The following PTPA variants were observed in gnomAD, a reference collection of about 807,000 sequenced individuals.
The protein encoded by PTPA is serine/threonine-protein phosphatase 2A activator.
A neutral mutation model predicts 43.6 loss-of-function variants in PTPA; 13 were observed. The ratio of observed to expected loss-of-function variants is 0.30; its 90% confidence interval spans 0.19 to 0.47. PTPA has a LOEUF of 0.47. Among genes scored for constraint, PTPA ranks in the 20% least tolerant of loss-of-function variants. The pLI is 0.99. For missense variants in PTPA, 329 were observed against 411.9 expected (o/e 0.80, Z 1.74); for synonymous variants, 172 against 158.2 (o/e 1.09, Z -0.66).
intron 5 of PTPA, among the ~76,000 whole-genome samples, chr9:129,134,270 C>T (rs1345048814): frequency 2.1e-5 from 3 of 141,484 alleles, no homozygotes; most frequent in South Asian, 4.6e-4. Context: ...GGGTCTTTTA[C>T]GAGTGGAATT....
At chr9:129,124,915 C>A (rs764326726) in intron 3 of PTPA, among the ~76,000 whole-genome samples, 5 of 152,234 alleles carry the variant, frequency 3.3e-5, no homozygotes, top group Non-Finnish European at 7.3e-5. Context: ...GCCTGTCTGG[C>A]TATTAGGTGA....
chr9:129,133,488 G>A (rs141402706), intron 5 of PTPA, among the ~76,000 whole-genome samples: 12 of 152,290 alleles, frequency 7.9e-5, no homozygotes, highest in African/African-American at 2.6e-4. Flanking sequence ...AGGGGTCTTC[G>A]TCCTCCAGAG....
At chr9:129,142,804 T>A (rs1013931198) in intron 9 of PTPA, 1 of 1,535,614 alleles carries the variant, frequency 6.5e-7, no homozygotes, top group Admixed American at 2.0e-5. Context: ...GCTTGGAGGC[T>A]GAGGCAAGGA....
At chr9:129,145,626 G>A (rs1851244404) in intron 9 of PTPA, among the ~76,000 whole-genome samples, 1 of 152,192 alleles carries the variant, frequency 6.6e-6, no homozygotes, top group African/African-American at 2.4e-5. Context: ...GACCAGCCTG[G>A]CAGTAGGTGG....
At chr9:129,123,331 G>A (rs1004589932) in intron 3 of PTPA, among the ~76,000 whole-genome samples, 193 bp downstream of exon 3, 1 of 152,072 alleles carries the variant, frequency 6.6e-6, no homozygotes, top group South Asian at 2.1e-4. Context: ...AATTAGCCGG[G>A]TGTGGTGACG....
intron 7 of PTPA, among the ~76,000 whole-genome samples, chr9:129,136,829 A>G (rs1056257179): frequency 6.6e-6 from 1 of 152,204 alleles, no homozygotes; most frequent in African/African-American, 2.4e-5. Flanking sequence ...CCACCAAGAT[A>G]ATGGGAAGTG....
rs922168030 is a variant in PTPA, at chr9:129,148,071, C to T, written c.*607C>T. ...TCCCAGGCTCCTTTTCACCCTGCCC[C>T]CTGGGCCTGAGGCCCCCTGTGTCCA... On this transcript the variant is annotated 3_prime_UTR_variant, in exon 10 of 10. Coordinates refer to ENST00000393370, the MANE Select transcript of PTPA (RefSeq NM_178000.3). 1.3e-5 allele frequency: 2 copies of T among 154,130 alleles called. No homozygotes were observed. The highest frequency in any genetic ancestry group is 2.0e-4 in the South Asian group (1 of 4,958). The allele number at this position is 154,130 out of a possible 1,614,324, so 9.5% of individuals were successfully genotyped here.
intron 8 of PTPA, among the ~76,000 whole-genome samples, chr9:129,138,578 A>C (rs7870913): frequency 0.036 from 5,474 of 152,166 alleles, 318 homozygotes; most frequent in African/African-American, 0.12. Context: ...AGGGTTTGAG[A>C]GTTCTATCCC....
rs760376455 is a variant in PTPA at position 129,131,648 on chromosome 9, T to C, written c.460+9T>C. 1.9e-6 allele frequency: 3 copies of C among 1,611,268 alleles called. No homozygotes were observed. The highest frequency in any genetic ancestry group is 1.7e-5 in the Admixed American group (1 of 60,006). On this transcript the variant is annotated intron_variant, in intron 5 of 9. Transcript: ENST00000393370. ...CATTGACTACGGCACAGGTATCTGC[T>C]GCTTGTGGGGCTCTGTACTTATCTA...
intron 6 of PTPA, among the ~76,000 whole-genome samples, chr9:129,135,122 C>T (rs538935540): frequency 2.6e-5 from 4 of 152,280 alleles, no homozygotes; most frequent in African/African-American, 7.2e-5. Context: ...AGGCCGGGCG[C>T]GGTGGCTCAC....
chr9:129,141,351 C>G (rs180823195), intron 8 of PTPA, among the ~76,000 whole-genome samples: 1 of 152,162 alleles, frequency 6.6e-6, no homozygotes, highest in East Asian at 1.9e-4. Flanking sequence ...CCCAGTCTCC[C>G]CTGACACCCG....
In PTPA at chr9:129,142,506, C is replaced by T; in HGVS notation, c.848C>T (p.Ser283Phe). Residue 283 changes from serine (S) to phenylalanine (F), a missense_variant, in exon 9 of 10, where the codon TCC becomes TTC. By Grantham distance (155) the Ser-to-Phe change is radical. Transcript: ENST00000393370. ...CTGTGGAACATCAGCGCCGTCCCTT[C>T]CTGGTCCAAAGTGAACCAGGGTCTC... The part of the protein sequence containing the change: ...NQLWNISAVP[S>F]WSKVNQGLIR... 1.9e-6 allele frequency: 3 copies of T among 1,613,462 alleles called. No homozygotes were observed. Among genetic ancestry groups the T allele is most frequent in the Non-Finnish European group, 1.7e-6 (2 of 1,179,454 alleles).
Position 129,134,863 on chromosome 9 carries a change from C to A in PTPA, c.529C>A (p.Gln177Lys). 1 of 1,613,856 alleles carries A rather than the reference C, an allele frequency of 6.2e-7. No individual in the cohort carries two copies. Among genetic ancestry groups the A allele is most frequent in the East Asian group, 2.2e-5 (1 of 44,882 alleles). The change falls in exon 6 of 10, where the codon CAA (glutamine) becomes AAA (lysine). Residue 177 changes from glutamine (Q) to lysine (K), a missense_variant. Transcript: ENST00000393370. ...GATTGGGGTGCTCCGGGTGGATGAC[C>A]AAATAGCTATTGTCTTCAAGGTGTT... ...CKIGVLRVDD[Q>K]IAIVFKVFNR...
At chr9:129,114,039 T>G (rs1417977556) in intron 1 of PTPA, among the ~76,000 whole-genome samples, 1 of 152,048 alleles carries the variant, frequency 6.6e-6, no homozygotes, top group Non-Finnish European at 1.5e-5. Context: ...TCTTTTTAGT[T>G]TTTTTTTGAG....
Position 129,111,616 on chromosome 9 carries a change from C to T in PTPA, c.16C>T (p.Arg6Trp), listed in dbSNP as rs1848487668. 2.4e-6 allele frequency: 3 copies of T among 1,269,354 alleles called. No individual in the cohort carries two copies. The highest frequency in any genetic ancestry group is 3.0e-6 in the Non-Finnish European group (3 of 999,460). The allele number at this position is 1,269,354 out of a possible 1,614,324, so 78.6% of individuals were successfully genotyped here. MAEGE[R>W]QPPPDSSEEA... ...CCGGAGCAAGATGGCTGAGGGCGAG[C>T]GGCAGCCGCCGCCAGGTAAGGCCGG... Residue 6 changes from arginine to tryptophan, a missense_variant, in exon 1 of 10, where the codon CGG becomes TGG. Physicochemically the swap from Arg to Trp is moderately radical, Grantham distance 101 (BLOSUM62 -3). Transcript: ENST00000393370.
chr9:129,134,324 T>TTTTTG (rs1554733072), intron 5 of PTPA, among the ~76,000 whole-genome samples: 3 of 96,402 alleles, frequency 3.1e-5, no homozygotes, highest in Admixed American at 2.1e-4. Context: ...TTTTTTTTTT[T>TTTTTG]GAGACAGTCT....
At chr9:129,114,698 C>T (rs1027804984) in intron 1 of PTPA, among the ~76,000 whole-genome samples, 9 of 152,134 alleles carry the variant, frequency 5.9e-5, no homozygotes, top group Non-Finnish European at 1.2e-4. Flanking sequence ...AGGAACATTT[C>T]TAAAATTCTG....
In PTPA at chr9:129,123,037, C is replaced by G; in HGVS notation, c.130-15C>G. 4.4e-6 allele frequency: 7 copies of G among 1,592,962 alleles called. No homozygotes were observed. The highest frequency in any genetic ancestry group is 6.0e-6 in the Non-Finnish European group (7 of 1,165,022). On this transcript the variant is annotated splice_polypyrimidine_tract_variant and intron_variant, in intron 2 of 9. Coordinates refer to ENST00000393370, the MANE Select transcript of PTPA (RefSeq NM_178000.3). ...CACCCCTCTCCCCATCCCCATTCTC[C>G]TCTCTGTTTGGTAGGCATACGCTGA...
rs1035247505 is a variant in PTPA at position 129,120,581 on chromosome 9, C to T, written c.100C>T (p.Pro34Ser). 3 of 1,613,552 alleles carry T rather than the reference C, an allele frequency of 1.9e-6. No homozygotes were observed. The highest frequency in any genetic ancestry group is 2.5e-6 in the Non-Finnish European group (3 of 1,179,670). ...IIPKKEIHTV[P>S]DMGKWKRSQA... is the part of the protein sequence containing the mutation. ...TCCAAAAAAGGAGATCCACACAGTT[C>T]CAGACATGGGCAAATGGAAGCGTTC... Residue 34 changes from proline to serine, a missense_variant, in exon 2 of 10, where the codon CCA (proline) becomes TCA (serine). Coordinates refer to ENST00000393370, the MANE Select transcript of PTPA (RefSeq NM_178000.3).
Sources: allele counts gnomAD v4.1 joint callset (sites outside exome capture counted in the v4.1 genomes callset), GRCh38; gene constraint gnomAD v4.1.1; transcripts MANE v1.5; gene names NCBI Gene and HGNC (gene_info 2026-07-23, HGNC 2026-07-21).